VAC14: variants seen among roughly 807,000 people sequenced by gnomAD.
The protein encoded by VAC14 is VAC14 component of PIKFYVE complex.
VAC14 carries 47 observed loss-of-function variants against 85.3 expected under a neutral mutation model. That is an observed-to-expected ratio of 0.55 (90% CI 0.44 to 0.70). The LOEUF (loss-of-function observed/expected upper bound fraction) is 0.70, where lower values mean the gene tolerates loss of function less well. Ranked by LOEUF, VAC14 falls within the 30% of genes least tolerant of loss-of-function variation. The probability of loss-of-function intolerance (pLI) is 0.00; values close to 1 mark genes in which losing one functional copy is unlikely to be tolerated. For synonymous variants in VAC14, 447 were observed against 430.5 expected (o/e 1.04, Z -0.47); for missense variants, 861 against 1,004.3 (o/e 0.86, Z 1.93).
chr16:70,688,444 G>A lies in VAC14; in HGVS notation c.2187-354C>T, dbSNP rs950507354. 8 of 1,003,196 alleles carry A rather than the reference G, an allele frequency of 8.0e-6. No individual in the cohort carries two copies. In the East Asian group the frequency reaches 4.0e-4, roughly 50 times the overall value. The allele number at this position is 1,003,196 out of a possible 1,614,324, so 62.1% of individuals were successfully genotyped here. A position where few individuals can be genotyped will look rare whatever the true frequency, so the allele number is the denominator to read the frequency against. ...CTAGCAGCCAGCCAGGAAGCCAGCT[G>A]GGGCCTGGAACAGGGTCTGGGGAGA... On this transcript the variant is annotated intron_variant, in intron 18 of 18. Transcript: ENST00000261776.
Position 70,692,861 on chromosome 16 carries a change from G to A in VAC14, c.2146C>T (p.Arg716Trp), listed in dbSNP as rs766981903. The change falls in exon 18 of 19, where the codon CGG (arginine) becomes TGG (tryptophan). Residue 716 changes from arginine (R) to tryptophan (W), a missense_variant. Arg to Trp is a moderately radical substitution (Grantham distance 101, BLOSUM62 -3). Coordinates refer to ENST00000261776, the MANE Select transcript of VAC14 (RefSeq NM_018052.5). ...QSSAFQLLSH[R>W]LQCVPNPELL... ...TCAGGGTTGGGCACGCACTGGAGCC[G>A]GTGCGAGAGCAGCTGGAAGGCGCTG... 4 of 1,604,558 alleles carry A rather than the reference G, an allele frequency of 2.5e-6. No homozygotes were observed. The highest frequency in any genetic ancestry group is 3.4e-6 in the Non-Finnish European group (4 of 1,177,220).
chr16:70,780,374 C>A (rs1567599369), intron 9 of VAC14, among the ~76,000 whole-genome samples: 1 of 152,114 alleles, frequency 6.6e-6, no homozygotes, highest in Non-Finnish European at 1.5e-5. Context: ...TGGACGTCTA[C>A]GGCCAAGAAT....
chr16:70,795,316 A>T (rs1403366857), intron 1 of VAC14, among the ~76,000 whole-genome samples: 2 of 151,934 alleles, frequency 1.3e-5, no homozygotes, highest in Non-Finnish European at 1.5e-5. Context: ...AATTAAAACA[A>T]CAACAACAAC....
intron 10 of VAC14, chr16:70,768,494 C>A (rs1405641385): frequency 4.0e-6 from 1 of 249,814 alleles, no homozygotes; most frequent in African/African-American, 2.4e-5. Context: ...TTTTCCACCT[C>A]CCATGTATTT....
At chr16:70,795,829 ACTCAAAG>A (rs908753655) in intron 1 of VAC14, among the ~76,000 whole-genome samples, 10 of 152,282 alleles carry the variant, frequency 6.6e-5, no homozygotes, top group African/African-American at 2.2e-4. Context: ...CACAGATGGA[ACTCAAAG>A]CTCAGGACCA....
At chr16:70,779,366 G>A (rs2033695123) in intron 9 of VAC14, among the ~76,000 whole-genome samples, 1 of 152,230 alleles carries the variant, frequency 6.6e-6, no homozygotes, top group Admixed American at 6.5e-5. Context: ...ACCTTACTCT[G>A]TTATCCTTAA....
chr16:70,795,061 A>C (rs1348981260), intron 1 of VAC14, among the ~76,000 whole-genome samples: 1 of 152,230 alleles, frequency 6.6e-6, no homozygotes, highest in Non-Finnish European at 1.5e-5. Context: ...ACTAGGGACA[A>C]TAGGCTCTAC....
At chr16:70,737,407 G>C (rs991653994) in intron 13 of VAC14, among the ~76,000 whole-genome samples, 2 of 152,234 alleles carry the variant, frequency 1.3e-5, no homozygotes, top group African/African-American at 4.8e-5. Context: ...CCCACAACCC[G>C]GCTGTGTGTC....
chr16:70,742,824 C>A (rs1277286495), intron 13 of VAC14, among the ~76,000 whole-genome samples: 2 of 152,228 alleles, frequency 1.3e-5, no homozygotes, highest in African/African-American at 4.8e-5. Context: ...GGCCCCTAAA[C>A]CTTTATGACA....
intron 12 of VAC14, among the ~76,000 whole-genome samples, chr16:70,745,748 A>G (rs1462096841): frequency 6.6e-6 from 1 of 152,110 alleles, no homozygotes; most frequent in African/African-American, 2.4e-5. Context: ...ATGCCCAACA[A>G]ACATCAGTTG....
chr16:70,694,883 G>T (rs2053674588), intron 17 of VAC14, among the ~76,000 whole-genome samples: 1 of 152,226 alleles, frequency 6.6e-6, no homozygotes, highest in Non-Finnish European at 1.5e-5. Flanking sequence ...AGCACCTGCA[G>T]AGGGACTCGG....
In VAC14 at chr16:70,801,125, G is replaced by T. The variant is rs774977814; in HGVS notation, c.-225C>A. 2 of 427,612 alleles carry T rather than the reference G, an allele frequency of 4.7e-6. No homozygotes were observed. Among genetic ancestry groups the T allele is most frequent in the East Asian group, 7.7e-5 (2 of 26,142 alleles). The allele number at this position is 427,612 out of a possible 1,614,324, so 26.5% of individuals were successfully genotyped here. The stretch of plus-strand genomic sequence containing the variant: ...TAACAACTCCCGCCCGGCACTAGCG[G>T]GACTCACGAGACAGCGGCCATGTTA... On this transcript the variant is annotated 5_prime_UTR_variant, in exon 1 of 19. Coordinates refer to ENST00000261776, the MANE Select transcript of VAC14 (RefSeq NM_018052.5).
intron 12 of VAC14, among the ~76,000 whole-genome samples, chr16:70,752,776 G>C (rs1429180817): frequency 6.6e-6 from 1 of 152,252 alleles, no homozygotes; most frequent in Admixed American, 6.5e-5. Flanking sequence ...ACAGGCCCCA[G>C]ATGTGGGGCA....
At chr16:70,698,194 G>A (rs2053752092) in intron 15 of VAC14, among the ~76,000 whole-genome samples, 1 of 152,198 alleles carries the variant, frequency 6.6e-6, no homozygotes, top group Non-Finnish European at 1.5e-5. Flanking sequence ...GGAGAGAGGG[G>A]CCAGGCCAAG....
At chr16:70,736,932 C>T (rs1370839351) in intron 13 of VAC14, among the ~76,000 whole-genome samples, 1 of 152,096 alleles carries the variant, frequency 6.6e-6, no homozygotes, top group Non-Finnish European at 1.5e-5. Context: ...ATGGGAAAGG[C>T]CTCAGTGCTC....
intron 15 of VAC14, among the ~76,000 whole-genome samples, chr16:70,697,885 G>A (rs2053745904): frequency 6.6e-6 from 1 of 152,226 alleles, no homozygotes; most frequent in South Asian, 2.1e-4. Context: ...CTCCTGGGGA[G>A]GGTGTAAGCA....
At chr16:70,763,742 G>A (rs2032590816) in intron 10 of VAC14, among the ~76,000 whole-genome samples, 1 of 152,196 alleles carries the variant, frequency 6.6e-6, no homozygotes, top group Non-Finnish European at 1.5e-5. Context: ...TTGTTCTGGT[G>A]GGCACAGGAA....
Position 70,745,482 on chromosome 16 carries a change from AGTGTGTGTGTGTGTGTGT to A in VAC14, c.1372-921_1372-904del, listed in dbSNP as rs145054065. Reference sequence around the variant, plus strand: ...GACCTGCCCTGTTGGGAGGGGCTTCAGTGTGTGTGTGTGTGTGTGTGTGTGTGTGTGTGTGTGCGCGTG... The same window carrying A: ...GACCTGCCCTGTTGGGAGGGGCTTCAGTGTGTGTGTGTGTGTGTGCGCGTG... On this transcript the variant is annotated intron_variant, in intron 12 of 18. Transcript: ENST00000261776. Among the ~76,000 whole-genome samples the A allele has an allele frequency of 2.4e-3, 351 of 143,870 alleles. 8 individuals are homozygous for A. The highest frequency in any genetic ancestry group is 0.021 in the Admixed American group (308 of 14,784). 94.4% of individuals were successfully genotyped at this position (143,870 alleles called of 152,430 possible).
intron 17 of VAC14, among the ~76,000 whole-genome samples, chr16:70,693,769 C>T (rs2053648025): frequency 6.6e-6 from 1 of 152,248 alleles, no homozygotes; most frequent in South Asian, 2.1e-4. Flanking sequence ...GCTTCTACTT[C>T]CTTGTGTCCC....
Sources: allele counts gnomAD v4.1 joint callset (sites outside exome capture counted in the v4.1 genomes callset), GRCh38; gene constraint gnomAD v4.1.1; transcripts MANE v1.5; gene names NCBI Gene and HGNC (gene_info 2026-07-23, HGNC 2026-07-21).